Variants in OPCML observed in about 807,000 individuals in gnomAD.
OPCML encodes opioid-binding protein/cell adhesion molecule.
In OPCML, 13 loss-of-function variants were observed where a neutral mutation model predicts 37.8. The ratio of observed to expected loss-of-function variants is 0.34; its 90% CI spans 0.22 to 0.55. The LOEUF is 0.55. Ranked by LOEUF, OPCML falls within the 20% of genes least tolerant of loss-of-function variation. The pLI is 0.91. For synonymous variants in OPCML, 176 were observed against 168.8 expected (o/e 1.04, Z -0.33); for missense variants, 341 against 435.6 (o/e 0.78, Z 1.93).
chr11:132,821,335 C>G (rs554733892), intron 2 of OPCML, among the ~76,000 whole-genome samples: 4 of 152,146 alleles, frequency 2.6e-5, no homozygotes, highest in Non-Finnish European at 1.5e-5. Context: ...TCCTTTCAAC[C>G]AGCCACAGCT....
At chr11:133,198,920 T>G (rs1938647668) in intron 1 of OPCML, among the ~76,000 whole-genome samples, 1 of 152,252 alleles carries the variant, frequency 6.6e-6, no homozygotes, top group African/African-American at 2.4e-5. Context: ...AATCCATCTC[T>G]GTATCTTAAA....
intron 1 of OPCML, among the ~76,000 whole-genome samples, chr11:133,128,946 A>C (rs55976085): frequency 6.6e-6 from 1 of 152,244 alleles, no homozygotes; most frequent in East Asian, 1.9e-4. Flanking sequence ...CAATAAAAAA[A>C]CACACAGAAT....
At chr11:132,593,371 G>C (rs1204503136) in intron 3 of OPCML, among the ~76,000 whole-genome samples, 1 of 152,112 alleles carries the variant, frequency 6.6e-6, no homozygotes, top group Non-Finnish European at 1.5e-5. Context: ...CAAAGAGCAT[G>C]CATTGTATTC....
chr11:132,917,092 G>C (rs1036203708), intron 2 of OPCML, among the ~76,000 whole-genome samples: 1 of 152,112 alleles, frequency 6.6e-6, no homozygotes, highest in Admixed American at 6.5e-5. Flanking sequence ...CATCATCTGT[G>C]GCTAGCAAGG....
intron 3 of OPCML, among the ~76,000 whole-genome samples, chr11:132,586,603 C>T (rs1040581262): frequency 1.3e-5 from 2 of 152,172 alleles, no homozygotes; most frequent in Non-Finnish European, 2.9e-5. Context: ...CCCAGGGCTA[C>T]GACAACTCTC....
chr11:132,633,614 G>A (rs2135701135), intron 3 of OPCML, among the ~76,000 whole-genome samples: 1 of 152,216 alleles, frequency 6.6e-6, no homozygotes, highest in East Asian at 1.9e-4. Context: ...ACATCTGTTG[G>A]AAGGTCAGTT....
At chr11:132,481,574 A>T (rs1001736183) in intron 4 of OPCML, among the ~76,000 whole-genome samples, 8 of 151,278 alleles carry the variant, frequency 5.3e-5, no homozygotes, top group Admixed American at 1.3e-4. Context: ...TGGACCTAAT[A>T]GACATCTACA....
At chr11:133,016,542 C>T (rs1042697689) in intron 1 of OPCML, among the ~76,000 whole-genome samples, 2 of 152,174 alleles carry the variant, frequency 1.3e-5, no homozygotes, top group African/African-American at 2.4e-5. Context: ...ACACTGAGCC[C>T]ACTTGGATAA....
At chr11:133,363,340 G>A (rs1288280758) in intron 1 of OPCML, among the ~76,000 whole-genome samples, 3 of 152,196 alleles carry the variant, frequency 2.0e-5, no homozygotes, top group African/African-American at 4.8e-5. Flanking sequence ...GGGCCGAGGG[G>A]TGGGGCGCAC....
chr11:133,114,271 A>G (rs977071601), intron 1 of OPCML, among the ~76,000 whole-genome samples: 1 of 152,042 alleles, frequency 6.6e-6, no homozygotes, highest in Non-Finnish European at 1.5e-5. Flanking sequence ...TGCTCCTTCT[A>G]TGGTCTTCCC....
chr11:132,433,927 G>A (rs1310503984), intron 7 of OPCML, among the ~76,000 whole-genome samples: 3 of 152,166 alleles, frequency 2.0e-5, no homozygotes, highest in East Asian at 1.9e-4. Flanking sequence ...CTATCCCATC[G>A]GTAGTATTTT....
intron 1 of OPCML, among the ~76,000 whole-genome samples, chr11:133,339,705 T>C (rs1943820725): frequency 6.6e-6 from 1 of 152,226 alleles, no homozygotes; most frequent in Admixed American, 6.5e-5. Context: ...CTGGACCTCA[T>C]GGCACATAAT....
At chr11:132,569,669 T>A (rs957639509) in intron 3 of OPCML, among the ~76,000 whole-genome samples, 1 of 152,170 alleles carries the variant, frequency 6.6e-6, no homozygotes. Flanking sequence ...GTCCTAGACG[T>A]AATGAGAATG....
At chr11:132,849,392 T>A (rs1156885600) in intron 2 of OPCML, among the ~76,000 whole-genome samples, 1 of 152,198 alleles carries the variant, frequency 6.6e-6, no homozygotes, top group African/African-American at 2.4e-5. Context: ...GGCATTTTGG[T>A]AGGCACTGAG....
At position 132,517,724 on chromosome 11, in the gene OPCML, T is replaced by C. The variant is rs937444781; in HGVS notation, c.505+11337A>G. On this transcript the variant is annotated intron_variant, in intron 4 of 7. Transcript: ENST00000524381. ...GCAGCAATGGGTGCCTTTCCAATTGTAATTTTACTTTTGAGTTAGTTGGGC... is the reference window on the plus strand; with the variant it reads ...GCAGCAATGGGTGCCTTTCCAATTGCAATTTTACTTTTGAGTTAGTTGGGC... Among the ~76,000 whole-genome samples, 7 of 152,356 alleles carry C rather than the reference T, an allele frequency of 4.6e-5. No homozygotes were observed. The East Asian group carries it at 1.4e-3, about 29-fold the overall frequency.
intron 3 of OPCML, among the ~76,000 whole-genome samples, chr11:132,551,290 G>A (rs745570609): frequency 5.3e-5 from 8 of 152,188 alleles, no homozygotes; most frequent in Non-Finnish European, 8.8e-5. Context: ...GACAGTGAAA[G>A]AGATCTAACC....
chr11:132,557,142 T>C (rs2096397477), intron 3 of OPCML, among the ~76,000 whole-genome samples: 2 of 152,136 alleles, frequency 1.3e-5, no homozygotes, highest in South Asian at 4.1e-4. Flanking sequence ...AACAATACCA[T>C]TTTTACCTCT....
chr11:133,437,977 A>AT (rs1056857700), intron 1 of OPCML, among the ~76,000 whole-genome samples: 19 of 152,144 alleles, frequency 1.2e-4, no homozygotes, highest in Non-Finnish European at 2.5e-4. Flanking sequence ...CAGGGAAAAA[A>AT]ATATATATAA....
rs1939206355 is a variant in OPCML, at chr11:133,208,488, A to T, written c.62-265478T>A. ...GATCTCTCAATTTTTGCATGAATAGATTTGGATAATAAAGTGCAATGAAGT... is the reference window on the plus strand; with the variant it reads ...GATCTCTCAATTTTTGCATGAATAGTTTTGGATAATAAAGTGCAATGAAGT... On this transcript the variant is annotated intron_variant, in intron 1 of 7. Coordinates refer to ENST00000524381, the MANE Select transcript of OPCML (RefSeq NM_001012393.5). The surrounding 1 kb of genome is among the most constrained non-coding windows in gnomAD (Gnocchi z 8.9). 6.6e-6 allele frequency among the ~76,000 whole-genome samples: 1 copy of T among 152,194 alleles called. No individual in the cohort carries two copies. Among genetic ancestry groups the T allele is most frequent in the South Asian group, 2.1e-4 (1 of 4,834 alleles).
Sources: allele counts gnomAD v4.1 joint callset (sites outside exome capture counted in the v4.1 genomes callset), GRCh38; gene constraint gnomAD v4.1.1; non-coding constraint Gnocchi (gnomAD v3.1); transcripts MANE v1.5; gene names NCBI Gene and HGNC (gene_info 2026-07-23, HGNC 2026-07-21).